Variants in NCOA1 observed in about 807,000 individuals in gnomAD.
NCOA1 encodes the protein Hin-2 protein.
Under a neutral mutation model 150.9 loss-of-function variants are expected in NCOA1, and 35 were observed. The observed-to-expected ratio is 0.23, with a 90% CI of 0.18 to 0.31. The LOEUF (loss-of-function observed/expected upper bound fraction) is 0.31. Among genes scored for constraint, NCOA1 ranks in the 10% least tolerant of loss-of-function variants. NCOA1 has a pLI of 1.00. For missense variants in NCOA1, 1,491 were observed against 1,749.3 expected (o/e 0.85, Z 2.63); for synonymous variants, 590 against 630.0 (o/e 0.94, Z 0.95).
chr2:24,558,826 A>T (rs527840040), intron 1 of NCOA1, among the ~76,000 whole-genome samples: 2 of 152,248 alleles, frequency 1.3e-5, no homozygotes, highest in African/African-American at 4.8e-5. Flanking sequence ...ATGAGGTGAT[A>T]CCTAGAGGTG....
intron 2 of NCOA1, among the ~76,000 whole-genome samples, chr2:24,574,001 G>T (rs1463977373): frequency 6.6e-6 from 1 of 151,518 alleles, no homozygotes; most frequent in Non-Finnish European, 1.5e-5. Context: ...AGAAAGGAAA[G>T]AAATTAATAA....
At chr2:24,697,960 A>G (rs1672975815) in intron 11 of NCOA1, among the ~76,000 whole-genome samples, 162 bp downstream of exon 11, 1 of 152,200 alleles carries the variant, frequency 6.6e-6, no homozygotes, top group East Asian at 1.9e-4. Flanking sequence ...GTAATTCATG[A>G]GTGGATCCTG....
In NCOA1 at chr2:24,625,762, TTC is replaced by T. The variant is rs573138909; in HGVS notation, c.-174-18203_-174-18202del. Among the ~76,000 whole-genome samples, 601 of 152,054 alleles carry T rather than the reference TTC, an allele frequency of 4.0e-3. 2 individuals are homozygous for T. Among genetic ancestry groups the T allele is most frequent in the African/African-American group, 0.014 (569 of 41,514 alleles). The stretch of plus-strand genomic sequence containing the variant: ...GTGTTTTCTGTTTTGTTTTTTTTTT[TTC>T]CTCCATGGATTATTTAGAAGTGTGT... On this transcript the variant is annotated intron_variant, in intron 3 of 22. Transcript: ENST00000348332.
intron 7 of NCOA1, among the ~76,000 whole-genome samples, chr2:24,682,452 G>T (rs567565539): frequency 6.6e-6 from 1 of 152,166 alleles, no homozygotes; most frequent in South Asian, 2.1e-4. Flanking sequence ...TATATGCCCC[G>T]TAGGACGCAT....
chr2:24,516,560 A>G (rs892653794), intron 1 of NCOA1, among the ~76,000 whole-genome samples: 2 of 151,626 alleles, frequency 1.3e-5, no homozygotes, highest in Non-Finnish European at 2.9e-5. Flanking sequence ...TTACGCAGTG[A>G]CATTATGTCA....
chr2:24,508,476 T>C (rs1663796379), intron 1 of NCOA1, among the ~76,000 whole-genome samples: 1 of 152,104 alleles, frequency 6.6e-6, no homozygotes, highest in Non-Finnish European at 1.5e-5. Flanking sequence ...TTCCTGAATA[T>C]TCTGGTTATG....
chr2:24,575,209 ATCT>A (rs1183567800), intron 2 of NCOA1, among the ~76,000 whole-genome samples: 2 of 151,974 alleles, frequency 1.3e-5, no homozygotes, highest in Non-Finnish European at 2.9e-5. Context: ...CATTTTGGAA[ATCT>A]TCTATTGCTA....
intron 3 of NCOA1, among the ~76,000 whole-genome samples, chr2:24,597,779 CTT>C (rs895829616): frequency 7.9e-5 from 12 of 151,632 alleles, no homozygotes; most frequent in African/African-American, 2.9e-4. Flanking sequence ...ATGTGAATCT[CTT>C]TTTTTTTATT....
chr2:24,616,716 T>C (rs1439052271), intron 3 of NCOA1, among the ~76,000 whole-genome samples: 2 of 152,190 alleles, frequency 1.3e-5, no homozygotes, highest in African/African-American at 4.8e-5. Flanking sequence ...TAGTTTTTTA[T>C]ATGTACTGTA....
chr2:24,661,457 T>C (rs1332343041), intron 5 of NCOA1, among the ~76,000 whole-genome samples: 1 of 152,186 alleles, frequency 6.6e-6, no homozygotes, highest in Non-Finnish European at 1.5e-5. Context: ...TCCCAACCTG[T>C]TGGTTAACAT....
At chr2:24,563,134 C>T (rs904988839) in intron 1 of NCOA1, among the ~76,000 whole-genome samples, 1 of 152,176 alleles carries the variant, frequency 6.6e-6, no homozygotes, top group Non-Finnish European at 1.5e-5. Flanking sequence ...GGTCATCATT[C>T]TCAGTGATGA....
intron 1 of NCOA1, among the ~76,000 whole-genome samples, chr2:24,519,837 C>G (rs1664349488): frequency 6.6e-6 from 1 of 151,478 alleles, no homozygotes; most frequent in African/African-American, 2.4e-5. Context: ...AAAGAACAAG[C>G]CATGTGTTGA....
chr2:24,621,432 A>ATTTTTTTTTTTTTTT (rs1162282258), intron 3 of NCOA1, among the ~76,000 whole-genome samples: 3 of 38,890 alleles, frequency 7.7e-5, no homozygotes, highest in African/African-American at 2.3e-4. Context: ...ATTCAGGCAG[A>ATTTTTTTTTTTTTTT]TTTTTTTTTT....
At chr2:24,735,074 T>TG (rs1663226961) in intron 17 of NCOA1, among the ~76,000 whole-genome samples, 1 of 152,206 alleles carries the variant, frequency 6.6e-6, no homozygotes, top group Non-Finnish European at 1.5e-5. Context: ...AAATAAACTC[T>TG]AAGTGTTTTA....
intron 1 of NCOA1, among the ~76,000 whole-genome samples, chr2:24,507,619 T>A (rs1439842917): frequency 6.6e-6 from 1 of 152,048 alleles, no homozygotes; most frequent in Admixed American, 6.6e-5. Flanking sequence ...TTTTATCATC[T>A]TCATCATCAT....
chr2:24,682,277 T>G (rs139501974), intron 7 of NCOA1, among the ~76,000 whole-genome samples: 1 of 152,248 alleles, frequency 6.6e-6, no homozygotes, highest in Non-Finnish European at 1.5e-5. Context: ...AGTCAACCTC[T>G]GCATTCTGGC....
chr2:24,519,641 C>A (rs1332901036), intron 1 of NCOA1, among the ~76,000 whole-genome samples: 1 of 141,382 alleles, frequency 7.1e-6, no homozygotes, highest in African/African-American at 2.6e-5. Flanking sequence ...GCAGCAAAGG[C>A]CCTGTCTCTA....
chr2:24,667,399 CCTAA>C (rs1671479859), intron 6 of NCOA1, among the ~76,000 whole-genome samples: 1 of 152,112 alleles, frequency 6.6e-6, no homozygotes, highest in Non-Finnish European at 1.5e-5. Context: ...CCACTCCTCA[CCTAA>C]CTGCCAGTCA....
chr2:24,589,336 C>G (rs1667547727), intron 3 of NCOA1, among the ~76,000 whole-genome samples: 1 of 152,170 alleles, frequency 6.6e-6, no homozygotes, highest in Non-Finnish European at 1.5e-5. Flanking sequence ...TGGCTTGGCC[C>G]CCTGAGCCTG....
Sources: allele counts gnomAD v4.1 joint callset (sites outside exome capture counted in the v4.1 genomes callset), GRCh38; gene constraint gnomAD v4.1.1; transcripts MANE v1.5; gene names NCBI Gene and HGNC (gene_info 2026-07-23, HGNC 2026-07-21).